The following TECR variants were observed in gnomAD, a reference collection of about 807,000 sequenced individuals.
TECR encodes very-long-chain enoyl-CoA reductase.
TECR carries 19 observed loss-of-function variants against 50.6 expected under a neutral mutation model. The observed-to-expected ratio is 0.38, with a 90% CI of 0.26 to 0.55. The LOEUF is 0.55. Among genes scored for constraint, TECR ranks in the 20% least tolerant of loss-of-function variants. The pLI, the probability that TECR is intolerant of heterozygous loss-of-function variation, is 0.79. For synonymous variants in TECR, 168 were observed against 163.5 expected, an observed-to-expected ratio of 1.03 and a Z score of -0.21; for missense variants, 313 against 408.3, an observed-to-expected ratio of 0.77 and a Z score of 2.01.
Position 14,564,737 on chromosome 19 carries a change from C to G in TECR, c.490-49C>G, listed in dbSNP as rs540559036. The G allele has an allele frequency of 9.6e-6, 15 of 1,561,164 alleles. No individual in the cohort carries two copies. The East Asian group carries it at 3.4e-4, about 35-fold the overall frequency. Reference sequence around the variant, plus strand: ...CGGGATGAGACATGGGCAGCATCTGCCTTGTCCGGTGCTGGCCCAAGTCCC... The same window carrying G: ...CGGGATGAGACATGGGCAGCATCTGGCTTGTCCGGTGCTGGCCCAAGTCCC... On this transcript the variant is annotated intron_variant, in intron 7 of 12. Coordinates refer to ENST00000215567, the MANE Select transcript of TECR (RefSeq NM_138501.6).
chr19:14,563,793 T>G lies in TECR; in HGVS notation c.164-7T>G. ...TAGCCCCTGAGCCCTGGCCCGCCTCTCTGCAGAGGGCAAGTCCCTGAAGGA... is the reference window on the plus strand; with the variant it reads ...TAGCCCCTGAGCCCTGGCCCGCCTCGCTGCAGAGGGCAAGTCCCTGAAGGA... On this transcript the variant is annotated splice_polypyrimidine_tract_variant and splice_region_variant and intron_variant, in intron 4 of 12. Coordinates refer to ENST00000215567, the MANE Select transcript of TECR (RefSeq NM_138501.6). The surrounding 1 kb of genome is among the most constrained non-coding windows in gnomAD (Gnocchi z 5.3). The G allele has an allele frequency of 6.2e-7, 1 of 1,613,678 alleles. No individual in the cohort carries two copies. The highest frequency in any genetic ancestry group is 2.2e-5 in the East Asian group (1 of 44,842).
At chr19:14,547,692 T>A (rs1476514250) in intron 1 of TECR, among the ~76,000 whole-genome samples, 1 of 151,060 alleles carries the variant, frequency 6.6e-6, no homozygotes, top group Non-Finnish European at 1.5e-5. Flanking sequence ...AGGGTCTCAT[T>A]CTGTCACCCA....
Position 14,563,634 on chromosome 19 carries a change from G to C in TECR, c.119-24G>C. On this transcript the variant is annotated intron_variant, in intron 3 of 12. Transcript: ENST00000215567. This position sits in a 1 kb window ranked among gnomAD's most constrained non-coding sequence, Gnocchi z 5.3. The stretch of plus-strand genomic sequence containing the variant: ...GCTGAGCCCTGCCAGGCTGTGGGCT[G>C]TAACTGCCCTGTTCTCCCCGCAGAT... The C allele has an allele frequency of 6.2e-7, 1 of 1,610,690 alleles. No individual in the cohort carries two copies. The highest frequency in any genetic ancestry group is 8.5e-7 in the Non-Finnish European group (1 of 1,179,800).
chr19:14,539,747 G>T (rs1045163576), intron 1 of TECR, among the ~76,000 whole-genome samples: 1 of 151,846 alleles, frequency 6.6e-6, no homozygotes, highest in Non-Finnish European at 1.5e-5. Context: ...TCGTGTTACC[G>T]AGCGCTCAGC....
intron 1 of TECR, among the ~76,000 whole-genome samples, chr19:14,553,469 G>C (rs1020119910): frequency 6.6e-6 from 1 of 152,144 alleles, no homozygotes; most frequent in African/African-American, 2.4e-5. Flanking sequence ...AGCCGCCCCC[G>C]GGTGCCACTG....
intron 1 of TECR, among the ~76,000 whole-genome samples, chr19:14,534,894 C>T (rs1264520210): frequency 6.6e-6 from 1 of 152,180 alleles, no homozygotes; most frequent in Non-Finnish European, 1.5e-5. Context: ...CAGTTTTGTC[C>T]ACACTGATGG....
chr19:14,543,984 C>T (rs1390954533), intron 1 of TECR, among the ~76,000 whole-genome samples: 5 of 151,900 alleles, frequency 3.3e-5, no homozygotes, highest in African/African-American at 1.2e-4. Context: ...ATGATCCTCC[C>T]GCCTCAGCCT....
chr19:14,543,746 A>G (rs564811613), intron 1 of TECR, among the ~76,000 whole-genome samples: 49 of 134,440 alleles, frequency 3.6e-4, no homozygotes, highest in African/African-American at 1.3e-3. Context: ...CTATATATAT[A>G]TTTTTAAATT....
chr19:14,562,113 T>C, intron 1 of TECR: 1 of 507,588 alleles, frequency 2.0e-6, no homozygotes, highest in East Asian at 3.3e-5. Context: ...CAAGCCCCCC[T>C]CAGAGAAGGT....
chr19:14,535,506 CAAAAAAAAAAAAAAAAAAAAAAAA>C (rs1172079027), intron 1 of TECR, among the ~76,000 whole-genome samples: 2 of 17,178 alleles, frequency 1.2e-4, no homozygotes, highest in African/African-American at 5.6e-4. Context: ...GACTCCGTCT[CAAAAAAAAAAAAAAAAAAAAAAAA>C]AAAAAAAAAA....
intron 1 of TECR, among the ~76,000 whole-genome samples, chr19:14,540,594 G>A (rs2073065318): frequency 6.6e-6 from 1 of 151,876 alleles, no homozygotes; most frequent in South Asian, 2.1e-4. Flanking sequence ...GTTTCATTGT[G>A]TTGGCCAGGC....
At chr19:14,558,272 T>C (rs886848108) in intron 1 of TECR, among the ~76,000 whole-genome samples, 1 of 152,130 alleles carries the variant, frequency 6.6e-6, no homozygotes, top group African/African-American at 2.4e-5. Flanking sequence ...GACAAGTGCT[T>C]AGACAACGAG....
rs965858131 is a variant in TECR, at chr19:14,563,149, C to A, written c.67-57C>A. 1.2e-6 allele frequency: 2 copies of A among 1,613,398 alleles called. No homozygotes were observed. The highest frequency in any genetic ancestry group is 1.7e-6 in the Non-Finnish European group (2 of 1,179,586). On this transcript the variant is annotated intron_variant, in intron 2 of 12. Transcript: ENST00000215567. The surrounding 1 kb of genome is among the most constrained non-coding windows in gnomAD (Gnocchi z 5.3). ...CCTGCCATCCCCTTTAGTACCTCCC[C>A]ATCCTGAGTCTGGGCTCCCCGCAGA...
rs540680837 is a variant in TECR at position 14,552,261 on chromosome 19, C to T, written c.16-10264C>T. 4.0e-4 allele frequency among the ~76,000 whole-genome samples: 60 copies of T among 150,244 alleles called. 2 individuals are homozygous for T. The South Asian group carries it at 8.2e-3, about 21-fold the overall frequency. ...ATAGGTCACTGCAGCCTTGACCTCCCGGGCTCAAGCAATCCTCCCAGTCTG... is the reference window on the plus strand; with the variant it reads ...ATAGGTCACTGCAGCCTTGACCTCCTGGGCTCAAGCAATCCTCCCAGTCTG... On this transcript the variant is annotated intron_variant, in intron 1 of 12. Transcript: ENST00000215567.
rs2072549916 is a variant in TECR, at chr19:14,529,808, CG to C, written c.15+98del. ...GACCCCACTTTCTGGTCCTGTGCCCCGAAGGAAGAGCCAGACGGCGCAGGCG... is the reference window on the plus strand; with the variant it reads ...GACCCCACTTTCTGGTCCTGTGCCCCAAGGAAGAGCCAGACGGCGCAGGCG... On this transcript the variant is annotated intron_variant, in intron 1 of 12. Transcript: ENST00000215567. 3 of 1,571,134 alleles carry C rather than the reference CG, an allele frequency of 1.9e-6. No homozygotes were observed. The African/African-American group carries it at 4.1e-5, about 21-fold the overall frequency.
chr19:14,553,469 G>T (rs1020119910), intron 1 of TECR, among the ~76,000 whole-genome samples: 1 of 152,144 alleles, frequency 6.6e-6, no homozygotes, highest in Non-Finnish European at 1.5e-5. Flanking sequence ...AGCCGCCCCC[G>T]GGTGCCACTG....
intron 1 of TECR, among the ~76,000 whole-genome samples, chr19:14,537,937 G>C (rs1008844290): frequency 2.0e-5 from 3 of 151,958 alleles, no homozygotes; most frequent in Non-Finnish European, 2.9e-5. Context: ...GTAGAGATGG[G>C]GTTTCACCAT....
chr19:14,557,896 C>G (rs1374406506), intron 1 of TECR, among the ~76,000 whole-genome samples: 1 of 152,122 alleles, frequency 6.6e-6, no homozygotes, highest in East Asian at 1.9e-4. Flanking sequence ...GCTGGGACTA[C>G]AGGCACCCAC....
rs200634741 is a variant in TECR, at chr19:14,563,189, G to A, written c.67-17G>A. 1.1e-4 allele frequency: 182 copies of A among 1,613,708 alleles called. 1 individual carries two copies. The Admixed American group carries it at 2.4e-3, about 21-fold the overall frequency. ...CTCCCCGCAGAGCTGACGTCCCTGC[G>A]CCTGTGCTTCCCCCAGGTGGAGCCC... On this transcript the variant is annotated splice_polypyrimidine_tract_variant and intron_variant, in intron 2 of 12. Transcript: ENST00000215567. The surrounding 1 kb of genome is among the most constrained non-coding windows in gnomAD (Gnocchi z 5.3).
Sources: allele counts gnomAD v4.1 joint callset (sites outside exome capture counted in the v4.1 genomes callset), GRCh38; gene constraint gnomAD v4.1.1; non-coding constraint Gnocchi (gnomAD v3.1); transcripts MANE v1.5; gene names NCBI Gene and HGNC (gene_info 2026-07-23, HGNC 2026-07-21).